Variants in PRKG1 observed in about 807,000 individuals in gnomAD.
The protein encoded by PRKG1 is cGMP-dependent protein kinase 1.
PRKG1 carries 35 observed loss-of-function variants against 88.1 expected under a neutral mutation model. The observed-to-expected ratio is 0.40, with a 90% confidence interval of 0.30 to 0.53. PRKG1 has a LOEUF of 0.53. Among genes scored for constraint, PRKG1 ranks in the 20% least tolerant of loss-of-function variants. PRKG1 has a pLI of 0.59. For missense variants in PRKG1, 540 were observed against 839.8 expected, an observed-to-expected ratio of 0.64 and a Z score of 4.41; for synonymous variants, 303 against 292.5, an observed-to-expected ratio of 1.04 and a Z score of -0.37.
chr10:51,844,186 G>A (rs1212653041), intron 4 of PRKG1, among the ~76,000 whole-genome samples: 1 of 152,128 alleles, frequency 6.6e-6, no homozygotes. Flanking sequence ...CAATGCTGAT[G>A]GCAATCATGA....
chr10:51,483,638 A>G (rs1840437152), intron 3 of PRKG1, among the ~76,000 whole-genome samples: 1 of 152,142 alleles, frequency 6.6e-6, no homozygotes, highest in Non-Finnish European at 1.5e-5. Context: ...TGGAGACAAT[A>G]CTTAGGAAAT....
intron 3 of PRKG1, among the ~76,000 whole-genome samples, chr10:51,792,671 A>T (rs566844716): frequency 2.5e-4 from 38 of 152,218 alleles, no homozygotes; most frequent in Non-Finnish European, 5.3e-4. Context: ...GTCCGCCAAA[A>T]TGGAAAAAGG....
At chr10:52,012,491 C>T (rs1374879479) in intron 5 of PRKG1, among the ~76,000 whole-genome samples, 1 of 152,164 alleles carries the variant, frequency 6.6e-6, no homozygotes, top group African/African-American at 2.4e-5. Flanking sequence ...ATCTACCCGC[C>T]TCAGCCTCCC....
At chr10:51,676,655 A>C (rs184777971) in intron 3 of PRKG1, among the ~76,000 whole-genome samples, 32 of 152,248 alleles carry the variant, frequency 2.1e-4, no homozygotes, top group Admixed American at 9.8e-4. Flanking sequence ...AAGTCTGCTA[A>C]ATTTTGAAAT....
chr10:51,504,380 A>T (rs534082636), intron 3 of PRKG1, among the ~76,000 whole-genome samples: 1 of 152,260 alleles, frequency 6.6e-6, no homozygotes, highest in South Asian at 2.1e-4. Flanking sequence ...GTAGCCTTGT[A>T]GTATAGTTTG....
chr10:51,945,580 G>A (rs1409375950), intron 5 of PRKG1, among the ~76,000 whole-genome samples: 1 of 151,880 alleles, frequency 6.6e-6, no homozygotes, highest in Non-Finnish European at 1.5e-5. Flanking sequence ...GCATGATTTT[G>A]CAGTGGCTGG....
intron 8 of PRKG1, among the ~76,000 whole-genome samples, chr10:52,161,494 C>G (rs528277833): frequency 1.1e-4 from 17 of 152,106 alleles, no homozygotes; most frequent in African/African-American, 3.6e-4. Context: ...AATAACAGTA[C>G]CTGGCATATA....
chr10:52,023,782 G>T (rs1845252578), intron 5 of PRKG1, among the ~76,000 whole-genome samples: 1 of 152,028 alleles, frequency 6.6e-6, no homozygotes, highest in Non-Finnish European at 1.5e-5. Context: ...TTATAAATTT[G>T]TTTAAGTTCT....
intron 3 of PRKG1, among the ~76,000 whole-genome samples, chr10:51,789,238 A>G (rs1260541821): frequency 3.3e-5 from 5 of 152,238 alleles, no homozygotes; most frequent in East Asian, 1.9e-4. Flanking sequence ...CAGATGTGCA[A>G]TGACATTTAC....
In PRKG1 at chr10:52,237,857, G is replaced by A. The variant is rs1233677076; in HGVS notation, c.1077-13713G>A. On this transcript the variant is annotated intron_variant, in intron 9 of 17. Transcript: ENST00000373980. The stretch of plus-strand genomic sequence containing the variant: ...ATGGAACCAAAAAAGAGCCCGCATC[G>A]CCAAGTCAATCCTAAGCCAAAAGAA... Among the ~76,000 whole-genome samples, 474 of 141,148 alleles carry A rather than the reference G, an allele frequency of 3.4e-3. 1 individual carries two copies. The highest frequency in any genetic ancestry group is 0.012 in the African/African-American group (441 of 37,200). The allele number at this position is 141,148 out of a possible 152,430, so 92.6% of individuals were successfully genotyped here. A position where few individuals can be genotyped will look rare whatever the true frequency, so the allele number is the denominator to read the frequency against.
At chr10:51,351,207 C>G (rs1012836109) in intron 2 of PRKG1, among the ~76,000 whole-genome samples, 4 of 152,024 alleles carry the variant, frequency 2.6e-5, no homozygotes, top group East Asian at 3.9e-4. Context: ...TGAACAGTGC[C>G]GCAATAAACA....
chr10:51,831,999 T>A (rs1015100291), intron 4 of PRKG1, among the ~76,000 whole-genome samples: 1 of 152,144 alleles, frequency 6.6e-6, no homozygotes, highest in African/African-American at 2.4e-5. Flanking sequence ...AAATTTGATA[T>A]AATAAGTGTA....
chr10:51,242,383 G>A (rs889525145), intron 2 of PRKG1, among the ~76,000 whole-genome samples: 4 of 152,236 alleles, frequency 2.6e-5, no homozygotes, highest in Admixed American at 6.5e-5. Context: ...CTCTATCAAA[G>A]GAAATAAATA....
intron 3 of PRKG1, among the ~76,000 whole-genome samples, chr10:51,733,199 A>C (rs1837166832): frequency 6.6e-6 from 1 of 152,240 alleles, no homozygotes; most frequent in Admixed American, 6.5e-5. Context: ...TCACACTGGG[A>C]TTTAGGGATT....
chr10:51,921,132 ACCTACTTATCC>A (rs1180970768), intron 5 of PRKG1, among the ~76,000 whole-genome samples: 2 of 152,032 alleles, frequency 1.3e-5, no homozygotes, highest in East Asian at 3.8e-4. Context: ...ATCCTCTTCC[ACCTACTTATCC>A]CCTCTCTTTT....
At chr10:51,808,556 TCCTG>T (rs1349958795) in intron 4 of PRKG1, among the ~76,000 whole-genome samples, 10 of 152,078 alleles carry the variant, frequency 6.6e-5, no homozygotes, top group Admixed American at 6.6e-4. Flanking sequence ...TGACCTGAAA[TCCTG>T]CCACTGCCCT....
chr10:51,130,667 C>T (rs1044806085), intron 1 of PRKG1, among the ~76,000 whole-genome samples: 16 of 152,158 alleles, frequency 1.1e-4, no homozygotes, highest in East Asian at 7.7e-4. Flanking sequence ...CTTTGGGAGG[C>T]AAAGGCAGGT....
intron 8 of PRKG1, among the ~76,000 whole-genome samples, chr10:52,146,528 C>T (rs1410275831): frequency 6.6e-6 from 1 of 152,104 alleles, no homozygotes; most frequent in African/African-American, 2.4e-5. Context: ...CTAAGCTTCA[C>T]ATAGCCAAAC....
chr10:51,421,625 C>G (rs1336837558), intron 2 of PRKG1, among the ~76,000 whole-genome samples: 1 of 152,146 alleles, frequency 6.6e-6, no homozygotes. Context: ...TTTTTGTTAT[C>G]TATCCTCCAT....
Sources: allele counts gnomAD v4.1 joint callset (sites outside exome capture counted in the v4.1 genomes callset), GRCh38; gene constraint gnomAD v4.1.1; transcripts MANE v1.5; gene names NCBI Gene and HGNC (gene_info 2026-07-23, HGNC 2026-07-21).